The following SEPTIN8 variants were observed in gnomAD, a reference collection of about 807,000 sequenced individuals.
The protein encoded by SEPTIN8 is septin-8.
A neutral mutation model predicts 53.1 loss-of-function variants in SEPTIN8; 22 were observed. The ratio of observed to expected loss-of-function variants is 0.41; its 90% confidence interval spans 0.30 to 0.59. The LOEUF is 0.59. Ranked by LOEUF, SEPTIN8 falls within the 20% of genes least tolerant of loss-of-function variation. The pLI is 0.24. For missense variants in SEPTIN8, 536 were observed against 638.7 expected (o/e 0.84, Z 1.73); for synonymous variants, 228 against 248.4 (o/e 0.92, Z 0.77).
chr5:132,752,087 T>C lies in SEPTIN8; in HGVS notation c.1381A>G (p.Ser461Gly). Residue 461 changes from serine (S) to glycine (G), a missense_variant, in exon 10 of 10, where the codon AGC becomes GGC. Physicochemically the swap from Ser to Gly is moderately conservative, Grantham distance 56 (BLOSUM62 0). Coordinates refer to ENST00000378719, the MANE Select transcript of SEPTIN8 (RefSeq NM_001098811.2). Reference protein sequence around the residue: ...KASVEPLNCSSWWPAIQCCSC... With the variant: ...KASVEPLNCSGWWPAIQCCSC... Reference sequence around the variant, plus strand: ...CAGCACTGTATGGCGGGCCACCAGCTGCTGCAGTTCAAGGGCTCCACACTG... The same window carrying C: ...CAGCACTGTATGGCGGGCCACCAGCCGCTGCAGTTCAAGGGCTCCACACTG... The C allele has an allele frequency of 6.2e-7, 1 of 1,603,276 alleles. No individual in the cohort carries two copies. The highest frequency in any genetic ancestry group is 8.5e-7 in the Non-Finnish European group (1 of 1,174,978).
intron 1 of SEPTIN8, among the ~76,000 whole-genome samples, chr5:132,772,185 TCTCA>T (rs952261435): frequency 6.6e-6 from 1 of 152,188 alleles, no homozygotes; most frequent in Non-Finnish European, 1.5e-5. Context: ...TGTTTCTCTG[TCTCA>T]CTAAGAGGCA....
At position 132,764,135 on chromosome 5, in the gene SEPTIN8, C is replaced by A. The variant is rs542686838; in HGVS notation, c.347+89G>T. The A allele has an allele frequency of 1.3e-5, 18 of 1,372,884 alleles. No homozygotes were observed. The Admixed American group carries it at 2.5e-4, about 19-fold the overall frequency. The allele number at this position is 1,372,884 out of a possible 1,614,324, so 85.0% of individuals were successfully genotyped here. The stretch of plus-strand genomic sequence containing the variant: ...TCCCCAAGAGGCCCTCCCTGGCCCC[C>A]TGCAGTGTGAGGGCTGGGCTACTGT... On this transcript the variant is annotated intron_variant, in intron 3 of 9. Transcript: ENST00000378719.
rs563890635 is a variant in SEPTIN8 at position 132,751,738 on chromosome 5, T to C, written c.*278A>G. On this transcript the variant is annotated 3_prime_UTR_variant, in exon 10 of 10. Coordinates refer to ENST00000378719, the MANE Select transcript of SEPTIN8 (RefSeq NM_001098811.2). Reference sequence around the variant, plus strand: ...AGGTACTTTCCGCTCATAACGATGATGTCACAAAGCAGACTTTTTTTTTTT... The same window carrying C: ...AGGTACTTTCCGCTCATAACGATGACGTCACAAAGCAGACTTTTTTTTTTT... 3.4e-6 allele frequency: 2 copies of C among 591,122 alleles called. No individual in the cohort carries two copies. The highest frequency in any genetic ancestry group is 4.4e-4 in the Middle Eastern group (1 of 2,248). The allele number at this position is 591,122 out of a possible 1,614,324, so 36.6% of individuals were successfully genotyped here.
At position 132,761,110 on chromosome 5, in the gene SEPTIN8, C is replaced by G. The variant is rs370890975; in HGVS notation, c.1095+23G>C. 4.1e-4 allele frequency: 657 copies of G among 1,613,952 alleles called. 12 individuals carry two copies. The South Asian group carries it at 6.9e-3, about 17-fold the overall frequency. ...CCTTCCCTCCCTCAGCTTCCCCATC[C>G]CAGCCCCCAGCCTGGCACATACCTC... On this transcript the variant is annotated intron_variant, in intron 8 of 9. Coordinates refer to ENST00000378719, the MANE Select transcript of SEPTIN8 (RefSeq NM_001098811.2). The surrounding 1 kb of genome is among the most constrained non-coding windows in gnomAD (Gnocchi z 5.8).
At chr5:132,758,643 G>A (rs115784309) in intron 9 of SEPTIN8, 128 of 1,591,368 alleles carry the variant, frequency 8.0e-5, no homozygotes, top group African/African-American at 7.1e-4. Flanking sequence ...CGCCAGGCCC[G>A]GGGCAGCCTG....
chr5:132,752,793 T>A (rs1754967739), intron 9 of SEPTIN8: 2 of 1,320,070 alleles, frequency 1.5e-6, no homozygotes, highest in Non-Finnish European at 2.2e-6. Flanking sequence ...TGCTAACATT[T>A]TGGCACTCAA....
chr5:132,763,680 G>A (rs1298029527), intron 4 of SEPTIN8, 26 bp downstream of exon 4: 3 of 1,603,048 alleles, frequency 1.9e-6, no homozygotes, highest in East Asian at 4.5e-5. Flanking sequence ...TATGGAGCCT[G>A]TGACAGCAGG....
intron 9 of SEPTIN8, chr5:132,752,752 T>C: frequency 5.3e-6 from 4 of 757,896 alleles, no homozygotes; most frequent in Non-Finnish European, 6.7e-6. Context: ...GGTCCTTAGT[T>C]GGGTGGTTGG....
At position 132,757,568 on chromosome 5, in the gene SEPTIN8, G is replaced by A. The variant is rs532808462; in HGVS notation, c.1286+3234C>T. ...TTCCAGCCAGGGAGTAGGCTAGACT[G>A]TGAGCTCCTTGAGGGGAGCGTTGTG... On this transcript the variant is annotated intron_variant, in intron 9 of 9. Coordinates refer to ENST00000378719, the MANE Select transcript of SEPTIN8 (RefSeq NM_001098811.2). 1.0e-5 allele frequency: 10 copies of A among 985,480 alleles called. No homozygotes were observed. The South Asian group carries it at 3.3e-4, about 32-fold the overall frequency. 61.0% of individuals were successfully genotyped at this position (985,480 alleles called of 1,614,324 possible). A position where few individuals can be genotyped will look rare whatever the true frequency, so the allele number is the denominator to read the frequency against.
intron 2 of SEPTIN8, among the ~76,000 whole-genome samples, 177 bp from the exon 3 acceptor site, chr5:132,764,596 G>A (rs1056629107): frequency 6.6e-6 from 1 of 152,198 alleles, no homozygotes; most frequent in Non-Finnish European, 1.5e-5. Context: ...ATCTTTTCCT[G>A]TGGCCTCAGA....
rs766752887 is a variant in SEPTIN8 at position 132,761,763 on chromosome 5, G to T, written c.793+37C>A. ...GCAGCAGGGCAGGCCAGGGAACTCAGTTCTACCCCCAGGATGCATTTCCTG... is the reference window on the plus strand; with the variant it reads ...GCAGCAGGGCAGGCCAGGGAACTCATTTCTACCCCCAGGATGCATTTCCTG... On this transcript the variant is annotated intron_variant, in intron 6 of 9. Coordinates refer to ENST00000378719, the MANE Select transcript of SEPTIN8 (RefSeq NM_001098811.2). The surrounding 1 kb of genome is among the most constrained non-coding windows in gnomAD (Gnocchi z 5.8). 3.7e-5 allele frequency: 59 copies of T among 1,591,990 alleles called. No individual in the cohort carries two copies. Among genetic ancestry groups the T allele is most frequent in the Non-Finnish European group, 5.0e-5 (58 of 1,167,746 alleles).
intron 1 of SEPTIN8, among the ~76,000 whole-genome samples, chr5:132,771,192 A>C (rs1002316316): frequency 1.9e-4 from 29 of 152,292 alleles, no homozygotes; most frequent in African/African-American, 6.7e-4. Flanking sequence ...ACAAGGTGGG[A>C]TCTGGGAAGA....
In SEPTIN8 at chr5:132,773,867, TG is replaced by T; in HGVS notation, c.30+3240del. 1 of 152,434 alleles carries T rather than the reference TG, an allele frequency of 6.6e-6. No homozygotes were observed. The highest frequency in any genetic ancestry group is 6.5e-5 in the Admixed American group (1 of 15,294). The allele number at this position is 152,434 out of a possible 1,614,324, so 9.4% of individuals were successfully genotyped here. ...AGACCCCAAGGAGACCTTCCTAAGGTGGGCACACATAGCATGGTCTGATGCC... is the reference window on the plus strand; with the variant it reads ...AGACCCCAAGGAGACCTTCCTAAGGTGGCACACATAGCATGGTCTGATGCC... On this transcript the variant is annotated intron_variant, in intron 1 of 9. Coordinates refer to ENST00000378719, the MANE Select transcript of SEPTIN8 (RefSeq NM_001098811.2). The surrounding 1 kb of genome is among the most constrained non-coding windows in gnomAD (Gnocchi z 4.2).
At chr5:132,752,325 G>A (rs1561730338) in intron 9 of SEPTIN8, 144 bp from the exon 10 acceptor site, 3 of 1,135,716 alleles carry the variant, frequency 2.6e-6, no homozygotes, top group Non-Finnish European at 3.7e-6. Flanking sequence ...CCTGGAAAGA[G>A]TCTGCCCAAA....
At chr5:132,752,409 G>T (rs1353385674) in intron 9 of SEPTIN8, among the ~76,000 whole-genome samples, 9 of 152,302 alleles carry the variant, frequency 5.9e-5, no homozygotes, top group African/African-American at 2.2e-4. Flanking sequence ...TGGACCAATG[G>T]GGGTGGTCTC....
upstream of SEPTIN8, chr5:132,778,082 T>G: frequency 4.1e-6 from 4 of 985,496 alleles, no homozygotes; most frequent in Non-Finnish European, 4.8e-6. Context: ...AATTAACACT[T>G]ACGCCAGGGT....
In SEPTIN8 at chr5:132,761,904, G is replaced by T; in HGVS notation, c.697-8C>A. The T allele has an allele frequency of 6.3e-7, 1 of 1,576,610 alleles. No individual in the cohort carries two copies. The highest frequency in any genetic ancestry group is 8.6e-7 in the Non-Finnish European group (1 of 1,160,636). ...GGCAAAGGGCAGATGTGCCTGGAAA[G>T]GGGCCCGGGTATGCGTAAGCCCTGA... On this transcript the variant is annotated splice_polypyrimidine_tract_variant and splice_region_variant and intron_variant, in intron 5 of 9. Coordinates refer to ENST00000378719, the MANE Select transcript of SEPTIN8 (RefSeq NM_001098811.2). The surrounding 1 kb of genome is among the most constrained non-coding windows in gnomAD (Gnocchi z 5.8).
In SEPTIN8 at chr5:132,751,206, C is replaced by T; in HGVS notation, c.*810G>A. On this transcript the variant is annotated 3_prime_UTR_variant, in exon 10 of 10. Transcript: ENST00000378719. ...CCACCAGACTCCCACTTCTAAAGGACATTAAATTAACTTTACAAAGATTTT... is the reference window on the plus strand; with the variant it reads ...CCACCAGACTCCCACTTCTAAAGGATATTAAATTAACTTTACAAAGATTTT... 2.1e-6 allele frequency: 1 copy of T among 475,544 alleles called. No individual in the cohort carries two copies. Among genetic ancestry groups the T allele is most frequent in the East Asian group, 3.4e-5 (1 of 29,384 alleles). 29.5% of individuals were successfully genotyped at this position (475,544 alleles called of 1,614,324 possible).
chr5:132,761,358 C>G lies in SEPTIN8; in HGVS notation c.963-93G>C. The G allele has an allele frequency of 6.3e-7, 1 of 1,592,072 alleles. No homozygotes were observed. Among genetic ancestry groups the G allele is most frequent in the South Asian group, 1.1e-5 (1 of 89,456 alleles). ...CCAGAGAAGTAGAATCATGTGGGCA[C>G]GAGGGGTAAGAGGATGTGGGGTCCC... On this transcript the variant is annotated intron_variant, in intron 7 of 9. Coordinates refer to ENST00000378719, the MANE Select transcript of SEPTIN8 (RefSeq NM_001098811.2). This position sits in a 1 kb window ranked among gnomAD's most constrained non-coding sequence, Gnocchi z 5.8.
Sources: gnomAD v4.1 joint callset for allele counts (sites outside exome capture counted in the v4.1 genomes callset) on GRCh38, gnomAD v4.1.1 for gene constraint, Gnocchi (gnomAD v3.1) non-coding constraint, MANE v1.5 for transcripts, NCBI Gene and HGNC (gene_info 2026-07-23, HGNC 2026-07-21) for gene names.